PDXDC1: variants seen among roughly 807,000 people sequenced by gnomAD.
The protein encoded by PDXDC1 is pyridoxal-dependent decarboxylase domain-containing protein 1.
PDXDC1 carries 42 observed loss-of-function variants against 100.1 expected under a neutral mutation model. The observed-to-expected ratio is 0.42, with a 90% CI of 0.33 to 0.54. The LOEUF (loss-of-function observed/expected upper bound fraction) is 0.54. Among genes scored for constraint, PDXDC1 ranks in the 20% least tolerant of loss-of-function variants. The probability of loss-of-function intolerance (pLI) is 0.10; values close to 1 mark genes in which losing one functional copy is unlikely to be tolerated. For missense variants in PDXDC1, 636 were observed against 979.2 expected, an observed-to-expected ratio of 0.65 and a Z score of 4.68; for synonymous variants, 260 against 371.7, an observed-to-expected ratio of 0.70 and a Z score of 3.46.
intron 16 of PDXDC1, among the ~76,000 whole-genome samples, chr16:15,046,244 C>T (rs2044055919): frequency 6.6e-6 from 1 of 152,258 alleles, no homozygotes; most frequent in Admixed American, 6.5e-5. Flanking sequence ...TAGCAAATCT[C>T]TCCCAGAGAA....
At position 15,036,958 on chromosome 16, in the gene PDXDC1, ATT is replaced by A. The variant is rs1567742400; in HGVS notation, c.*687_*688del. The A allele has an allele frequency of 6.6e-6, 1 of 152,400 alleles. No individual in the cohort carries two copies. Among genetic ancestry groups the A allele is most frequent in the African/African-American group, 2.4e-5 (1 of 41,448 alleles). The allele number at this position is 152,400 out of a possible 1,614,324, so 9.4% of individuals were successfully genotyped here. A position where few individuals can be genotyped will look rare whatever the true frequency, so the allele number is the denominator to read the frequency against. ...CTGTAAAGTCTCCTCCTGACCATAT[ATT>A]TTTAAATACTGGCAAAGCTTTTAAA... On this transcript the variant is annotated 3_prime_UTR_variant, in exon 23 of 23. Transcript: ENST00000396410.
At chr16:15,100,736 T>C (rs896820949) in intron 16 of PDXDC1, among the ~76,000 whole-genome samples, 5 of 152,080 alleles carry the variant, frequency 3.3e-5, no homozygotes, top group Admixed American at 6.6e-5. Flanking sequence ...CCCAGCTATA[T>C]GGGAGGGTGA....
intron 12 of PDXDC1, among the ~76,000 whole-genome samples, chr16:15,019,727 A>G (rs1417720069): frequency 1.3e-5 from 2 of 152,286 alleles, no homozygotes; most frequent in Non-Finnish European, 2.9e-5. Context: ...CTCATGCCCT[A>G]ATGACCTCCC....
chr16:15,032,056 A>C, intron 17 of PDXDC1, 150 bp downstream of exon 17: 1 of 712,852 alleles, frequency 1.4e-6, no homozygotes, highest in South Asian at 1.8e-5. Flanking sequence ...GGGCATTTAC[A>C]AAAGCACAGT....
At chr16:15,151,930 CAAAAAAAAAAAAAA>C in the PDXDC1 span, among the ~76,000 whole-genome samples, 3 of 43,350 alleles carry the variant, frequency 6.9e-5, no homozygotes, top group Admixed American at 3.0e-4. Context: ...AACTCTGTCT[CAAAAAAAAAAAAAA>C]AAAAAAAAAC....
At chr16:15,039,625 G>A (rs1387141471), downstream of PDXDC1, among the ~76,000 whole-genome samples, 2 of 152,310 alleles carry the variant, frequency 1.3e-5, no homozygotes, top group East Asian at 1.9e-4. Flanking sequence ...GTGCAGAGGG[G>A]AGAAACCTCT....
chr16:15,125,568 A>C (rs2047665997), intron 16 of PDXDC1: 1 of 1,546,408 alleles, frequency 6.5e-7, no homozygotes, highest in Non-Finnish European at 8.9e-7. Flanking sequence ...AATCATCCAG[A>C]AACAAGTCAC....
At chr16:15,034,409 G>A (rs774483864) in intron 20 of PDXDC1, 31 bp downstream of exon 20, 4 of 1,613,128 alleles carry the variant, frequency 2.5e-6, no homozygotes, top group East Asian at 2.2e-5. Flanking sequence ...CAGGCTGGGG[G>A]AGCCGCCGTG....
intron 16 of PDXDC1, chr16:15,093,837 G>T (rs1598030329): frequency 2.3e-6 from 1 of 426,648 alleles, no homozygotes; most frequent in Non-Finnish European, 4.2e-6. Flanking sequence ...TCCAAATTTG[G>T]ACGAAGAAGA....
Position 15,133,732 on chromosome 16 carries a change from G to A in PDXDC1, c.1400-5147G>A, listed in dbSNP as rs1019738923. Reference sequence around the variant, plus strand: ...AGGGACGGTCCCCATGGCATCACGGGAGGGCTCCGTGACGTCACAGTCGGG... The same window carrying A: ...AGGGACGGTCCCCATGGCATCACGGAAGGGCTCCGTGACGTCACAGTCGGG... On this transcript the variant is annotated intron_variant, in intron 16 of 16. Transcript: ENST00000535621. The A allele has an allele frequency of 3.1e-6, 5 of 1,600,044 alleles. No homozygotes were observed. In the East Asian group the frequency reaches 6.7e-5, roughly 22 times the overall value.
intron 16 of PDXDC1, chr16:15,083,408 A>G: frequency 6.6e-7 from 1 of 1,525,782 alleles, no homozygotes; most frequent in Non-Finnish European, 8.8e-7. Context: ...CAAAAAAGAA[A>G]AAGAAAAAGA....
chr16:15,062,083 G>A (rs2044737271), intron 16 of PDXDC1, among the ~76,000 whole-genome samples: 1 of 152,228 alleles, frequency 6.6e-6, no homozygotes, highest in African/African-American at 2.4e-5. Flanking sequence ...GGAGGTGGAG[G>A]TGGGAGGACT....
Position 15,018,498 on chromosome 16 carries a change from T to C in PDXDC1, c.964-342T>C, listed in dbSNP as rs567503860. The stretch of plus-strand genomic sequence containing the variant: ...TAAGTGATTTCTGCTAAAACACTGC[T>C]GTCTTGCTCAGCTAATAATGGCCAG... On this transcript the variant is annotated intron_variant, in intron 11 of 22. Transcript: ENST00000396410. Among the ~76,000 whole-genome samples the C allele has an allele frequency of 2.4e-3, 370 of 152,412 alleles. 2 individuals carry two copies. The highest frequency in any genetic ancestry group is 8.6e-3 in the African/African-American group (358 of 41,604).
the PDXDC1 span, among the ~76,000 whole-genome samples, chr16:15,152,398 GT>G: frequency 9.0e-6 from 1 of 111,478 alleles, no homozygotes; most frequent in Non-Finnish European, 2.0e-5. Context: ...CCGAGGAGGA[GT>G]TTGCAGGGTA....
intron 16 of PDXDC1, chr16:15,128,256 A>C (rs768385744): frequency 1.3e-5 from 21 of 1,611,050 alleles, no homozygotes; most frequent in Non-Finnish European, 1.5e-5. Flanking sequence ...TCCACACGCT[A>C]CCCAGGCTGT....
the PDXDC1 span, among the ~76,000 whole-genome samples, chr16:15,147,461 A>C: frequency 6.6e-6 from 1 of 152,174 alleles, no homozygotes. Flanking sequence ...CTATGGAGAG[A>C]CAAGAACACA....
chr16:15,088,691 C>T (rs987551546), intron 16 of PDXDC1, among the ~76,000 whole-genome samples: 23 of 152,048 alleles, frequency 1.5e-4, no homozygotes, highest in Admixed American at 3.9e-4. Flanking sequence ...TCTGGAAGTT[C>T]TGCTTCTTAC....
intron 16 of PDXDC1, among the ~76,000 whole-genome samples, chr16:15,128,548 T>C (rs568459471): frequency 6.6e-6 from 1 of 152,290 alleles, no homozygotes; most frequent in South Asian, 2.1e-4. Context: ...CTGAGGTTAC[T>C]GCAATTTGTC....
rs2665261 is a variant in PDXDC1, at chr16:15,132,888, C to G, written c.1400-5991C>G. 481 of 1,591,314 alleles carry G rather than the reference C, an allele frequency of 3.0e-4. 3 individuals carry two copies. Among genetic ancestry groups the G allele is most frequent in the African/African-American group, 1.0e-3 (77 of 74,804 alleles). ...GCCCGCTCGTACTGGGGCAGGCAGG[C>G]GGCACAGCAAGCTGTCAGCAGGGCA... On this transcript the variant is annotated intron_variant, in intron 16 of 16. Coordinates refer to the PDXDC1 transcript ENST00000535621.
Sources: allele counts gnomAD v4.1 joint callset (sites outside exome capture counted in the v4.1 genomes callset), GRCh38; gene constraint gnomAD v4.1.1; transcripts MANE v1.5; gene names NCBI Gene and HGNC (gene_info 2026-07-23, HGNC 2026-07-21).